Variants in ANGEL2 observed in about 807,000 individuals in gnomAD.
ANGEL2 encodes RNA 2',3'-cyclic phosphatase ANGEL2.
A neutral mutation model predicts 66.0 loss-of-function variants in ANGEL2; 41 were observed. The observed-to-expected ratio is 0.62, with a 90% CI of 0.48 to 0.81. The LOEUF (loss-of-function observed/expected upper bound fraction) is 0.81. ANGEL2 is among the 30% of genes least tolerant of loss of function. The pLI is 0.00. For synonymous variants in ANGEL2, 208 were observed against 226.5 expected (o/e 0.92, Z 0.73); for missense variants, 561 against 641.6 (o/e 0.87, Z 1.36).
rs1423332007 is a variant in ANGEL2 at position 213,004,990 on chromosome 1, G to A, written c.1134+43C>T. On this transcript the variant is annotated intron_variant, in intron 5 of 8. Coordinates refer to ENST00000366962, the MANE Select transcript of ANGEL2 (RefSeq NM_144567.5). ...CTATCTTCACATTATCATGAGCAGA[G>A]CAACTATGTCCACTCCCTAATAACA... The A allele has an allele frequency of 2.1e-6, 3 of 1,446,264 alleles. No individual in the cohort carries two copies. The African/African-American group carries it at 4.3e-5, about 21-fold the overall frequency. The allele number at this position is 1,446,264 out of a possible 1,614,324, so 89.6% of individuals were successfully genotyped here.
intron 2 of ANGEL2, among the ~76,000 whole-genome samples, chr1:213,008,773 C>T: frequency 6.6e-6 from 1 of 152,314 alleles, no homozygotes; most frequent in Middle Eastern, 3.4e-3. Flanking sequence ...TCTCACTTCT[C>T]TACAGTTAAG....
At chr1:213,008,944 A>G (rs77838701) in intron 2 of ANGEL2, among the ~76,000 whole-genome samples, 265 of 152,374 alleles carry the variant, frequency 1.7e-3, no homozygotes, top group Non-Finnish European at 2.7e-3. Flanking sequence ...AGCAACCCTT[A>G]GTTCAGAATT....
Position 212,997,237 on chromosome 1 carries a change from C to T in ANGEL2, c.1401G>A (p.Val467=). ...HYFPDTGIPE[V]TTCHSRSAIT... is the part of the protein sequence containing the mutation. Reference sequence around the variant, plus strand: ...TGGCACTTCGGGAATGACAGGTGGTCACTTCTGGAATTCCAGTGTCAGGAA... The same window carrying T: ...TGGCACTTCGGGAATGACAGGTGGTTACTTCTGGAATTCCAGTGTCAGGAA... The change falls in exon 8 of 9, where the codon GTG becomes GTA. Residue 467 remains valine (V), a synonymous_variant. Coordinates refer to ENST00000366962, the MANE Select transcript of ANGEL2 (RefSeq NM_144567.5). 1 of 1,613,860 alleles carries T rather than the reference C, an allele frequency of 6.2e-7. No individual in the cohort carries two copies. Among genetic ancestry groups the T allele is most frequent in the Non-Finnish European group, 8.5e-7 (1 of 1,179,786 alleles).
chr1:213,014,497 C>G (rs1042070453), intron 1 of ANGEL2, among the ~76,000 whole-genome samples: 1 of 152,222 alleles, frequency 6.6e-6, no homozygotes, highest in Non-Finnish European at 1.5e-5. Context: ...GCATTCTACA[C>G]TGCTTTGTGA....
At chr1:212,998,203 C>A (rs2076077762) in intron 7 of ANGEL2, among the ~76,000 whole-genome samples, 4 of 140,632 alleles carry the variant, frequency 2.8e-5, no homozygotes, top group Admixed American at 2.2e-4. Context: ...CCAGCCTGGG[C>A]AACACAGTGA....
At chr1:213,005,729 A>T (rs2076307245) in intron 4 of ANGEL2, among the ~76,000 whole-genome samples, 4 of 152,110 alleles carry the variant, frequency 2.6e-5, no homozygotes, top group Admixed American at 2.6e-4. Context: ...AAAGCTTTAT[A>T]ATAATCTATT....
intron 2 of ANGEL2, among the ~76,000 whole-genome samples, chr1:213,009,263 G>C (rs912885677): frequency 1.3e-5 from 2 of 152,184 alleles, no homozygotes; most frequent in Admixed American, 6.5e-5. Flanking sequence ...AGAAATAACC[G>C]TGTGTGTGAT....
Position 212,997,136 on chromosome 1 carries a change from G to C in ANGEL2, c.1483+19C>G. The C allele has an allele frequency of 1.0e-5, 16 of 1,606,708 alleles. No homozygotes were observed. Among genetic ancestry groups the C allele is most frequent in the Non-Finnish European group, 1.3e-5 (15 of 1,174,358 alleles). On this transcript the variant is annotated intron_variant, in intron 8 of 8. Coordinates refer to ENST00000366962, the MANE Select transcript of ANGEL2 (RefSeq NM_144567.5). The stretch of plus-strand genomic sequence containing the variant: ...TACTGTGCTCTCTAGGAGAATTTAA[G>C]ATTACATGCATTCCTTACCTGGGTG...
chr1:213,014,752 C>T (rs144992112), intron 1 of ANGEL2, among the ~76,000 whole-genome samples: 1 of 152,304 alleles, frequency 6.6e-6, no homozygotes, highest in Non-Finnish European at 1.5e-5. Flanking sequence ...AGCTGGTACT[C>T]AGGAAACATT....
chr1:213,015,099 A>C, intron 1 of ANGEL2: 1 of 985,214 alleles, frequency 1.0e-6, no homozygotes. Flanking sequence ...GAACTTGGCC[A>C]TAACAGTAAG....
chr1:212,997,203 C>T lies in ANGEL2; in HGVS notation c.1435G>A (p.Asp479Asn). The change falls in exon 8 of 9, where the codon GAT becomes AAT. Residue 479 changes from aspartate (D) to asparagine (N), a missense_variant. By Grantham distance (23) the Asp-to-Asn change is conservative. Coordinates refer to ENST00000366962, the MANE Select transcript of ANGEL2 (RefSeq NM_144567.5). ...TTTTCTGCAGAGTAGAAAATATAAT[C>T]CACAGTTATGGCACTTCGGGAATGA... ...TCHSRSAITVDYIFYSAEKED... is the reference protein window; with the variant it reads ...TCHSRSAITVNYIFYSAEKED... 7 of 1,613,862 alleles carry T rather than the reference C, an allele frequency of 4.3e-6. No individual in the cohort carries two copies. The highest frequency in any genetic ancestry group is 5.9e-6 in the Non-Finnish European group (7 of 1,179,818).
At chr1:213,010,073 GGAAA>G (rs1450659423) in intron 2 of ANGEL2, among the ~76,000 whole-genome samples, 4 of 149,550 alleles carry the variant, frequency 2.7e-5, no homozygotes. Flanking sequence ...AAAAAAAGAT[GGAAA>G]GAAACAAAAC....
chr1:213,014,049 A>G (rs1342389103), intron 1 of ANGEL2, among the ~76,000 whole-genome samples: 1 of 152,158 alleles, frequency 6.6e-6, no homozygotes, highest in Non-Finnish European at 1.5e-5. Context: ...ATGAAAGAGG[A>G]TGGGGATGAC....
Position 213,000,906 on chromosome 1 carries a change from C to A in ANGEL2, c.1141G>T (p.Gly381Cys). The change falls in exon 6 of 9, where the codon GGC becomes TGC. Residue 381 changes from glycine (G) to cysteine (C), a missense_variant. Transcript: ENST00000366962. ...TGTCCCCGTGAAGACTGTTCCTGGC[C>A]AGATACCTAAACAAAATTTCAACAG... ...YEGLPIGKVS[G>C]QEQSSRGQRI... The A allele has an allele frequency of 6.2e-7, 1 of 1,605,452 alleles. No individual in the cohort carries two copies. The highest frequency in any genetic ancestry group is 8.5e-7 in the Non-Finnish European group (1 of 1,178,336).
At chr1:212,996,640 A>T (rs3010783) in intron 8 of ANGEL2, among the ~76,000 whole-genome samples, 5,118 of 65,886 alleles carry the variant, frequency 0.078, 333 homozygotes, top group East Asian at 0.12. Context: ...AAAAAAAAAA[A>T]ATATATATAT....
At chr1:213,013,687 T>C (rs2076566716) in intron 1 of ANGEL2, among the ~76,000 whole-genome samples, 1 of 152,184 alleles carries the variant, frequency 6.6e-6, no homozygotes, top group Admixed American at 6.6e-5. Flanking sequence ...CCTGAAAATG[T>C]ACATAGTTCA....
At chr1:213,015,516 C>T (rs2076621264) in intron 1 of ANGEL2, 97 bp downstream of exon 1, 1 of 1,107,832 alleles carries the variant, frequency 9.0e-7, no homozygotes, top group Non-Finnish European at 1.2e-6. Context: ...CCACCCCTAG[C>T]CCGCCCCGCC....
intron 7 of ANGEL2, among the ~76,000 whole-genome samples, chr1:212,997,645 GAATC>G (rs2076064063): frequency 6.6e-6 from 1 of 152,138 alleles, no homozygotes; most frequent in Admixed American, 6.5e-5. Context: ...TTAAGAAAGA[GAATC>G]AAGGGGGTCT....
intron 8 of ANGEL2, among the ~76,000 whole-genome samples, chr1:212,996,404 T>G (rs995737309): frequency 1.3e-5 from 2 of 151,302 alleles, no homozygotes; most frequent in African/African-American, 4.9e-5. Context: ...GGTGGACGGC[T>G]TGAGCCCAGG....
Sources: gnomAD v4.1 joint callset for allele counts (sites outside exome capture counted in the v4.1 genomes callset) on GRCh38, gnomAD v4.1.1 for gene constraint, MANE v1.5 for transcripts, NCBI Gene and HGNC (gene_info 2026-07-23, HGNC 2026-07-21) for gene names.